The following THSD7B variants were observed in gnomAD, a reference collection of about 807,000 sequenced individuals.
THSD7B encodes thrombospondin type 1 domain containing 7B.
In THSD7B, 138 loss-of-function variants were observed where a neutral mutation model predicts 213.6. That is an observed-to-expected ratio of 0.65 (90% CI 0.56 to 0.74). The LOEUF is 0.74. Ranked by LOEUF, THSD7B falls within the 30% of genes least tolerant of loss-of-function variation. The pLI is 0.00. For missense variants in THSD7B, 1,931 were observed against 1,991.5 expected, an observed-to-expected ratio of 0.97 and a Z score of 0.58; for synonymous variants, 742 against 687.0, an observed-to-expected ratio of 1.08 and a Z score of -1.25.
intron 2 of THSD7B, among the ~76,000 whole-genome samples, chr2:136,979,709 A>G (rs11890722): frequency 0.028 from 4,196 of 152,212 alleles, 195 homozygotes; most frequent in African/African-American, 0.095. Flanking sequence ...GCTTCTTTGC[A>G]TTGGGTTAAA....
chr2:136,962,701 A>C (rs1044558395), intron 2 of THSD7B, among the ~76,000 whole-genome samples: 1 of 152,194 alleles, frequency 6.6e-6, no homozygotes, highest in East Asian at 1.9e-4. Flanking sequence ...TTTAGAAAGA[A>C]GTACACAAAA....
At chr2:136,904,678 G>T (rs1279499280) in intron 2 of THSD7B, among the ~76,000 whole-genome samples, 3 of 152,186 alleles carry the variant, frequency 2.0e-5, no homozygotes, top group African/African-American at 7.2e-5. Flanking sequence ...TTCATCCCAG[G>T]TGAAGAGAAG....
intron 5 of THSD7B, among the ~76,000 whole-genome samples, chr2:137,154,830 C>A (rs990657186): frequency 2.6e-5 from 4 of 152,112 alleles, no homozygotes; most frequent in African/African-American, 9.7e-5. Flanking sequence ...AAATGGTAAA[C>A]TTTGTTCATA....
At chr2:137,485,819 G>A (rs1688427810) in intron 15 of THSD7B, among the ~76,000 whole-genome samples, 1 of 152,190 alleles carries the variant, frequency 6.6e-6, no homozygotes, top group Admixed American at 6.5e-5. Flanking sequence ...CTACAAGCCA[G>A]AAGAGAGTGG....
chr2:137,227,832 A>G (rs1681545112), intron 7 of THSD7B, among the ~76,000 whole-genome samples: 1 of 152,172 alleles, frequency 6.6e-6, no homozygotes, highest in African/African-American at 2.4e-5. Context: ...GCTGTGACAT[A>G]AATATCTAGA....
chr2:136,823,731 G>A (rs1682600729), intron 1 of THSD7B, among the ~76,000 whole-genome samples: 1 of 151,942 alleles, frequency 6.6e-6, no homozygotes, highest in Non-Finnish European at 1.5e-5. Context: ...ATTTTCTTGG[G>A]ATTTAGATTG....
chr2:137,506,608 GA>G (rs757499113), intron 15 of THSD7B, among the ~76,000 whole-genome samples: 158 of 152,338 alleles, frequency 1.0e-3, no homozygotes, highest in Non-Finnish European at 1.7e-3. Flanking sequence ...AGGGAGGTTT[GA>G]AAAAGCCCAC....
chr2:137,058,569 A>G (rs1687210732), intron 3 of THSD7B, among the ~76,000 whole-genome samples: 1 of 152,166 alleles, frequency 6.6e-6, no homozygotes. Flanking sequence ...TATTATTAAC[A>G]TCTTGCATTC....
At chr2:137,326,142 G>C (rs1433177007) in intron 12 of THSD7B, among the ~76,000 whole-genome samples, 1 of 152,156 alleles carries the variant, frequency 6.6e-6, no homozygotes, top group African/African-American at 2.4e-5. Flanking sequence ...AATTATGTTA[G>C]ATCCATCCAA....
chr2:136,924,058 G>A (rs557732123), intron 2 of THSD7B, among the ~76,000 whole-genome samples: 7 of 152,238 alleles, frequency 4.6e-5, no homozygotes, highest in South Asian at 2.1e-4. Context: ...TTCCCCTTAC[G>A]TTTACTTCTA....
chr2:137,525,530 G>A (rs1226114746), intron 15 of THSD7B, among the ~76,000 whole-genome samples: 2 of 152,212 alleles, frequency 1.3e-5, no homozygotes, highest in East Asian at 3.9e-4. Flanking sequence ...CTGCTACTCA[G>A]GAATACATTT....
chr2:137,106,840 G>A (rs186778453), intron 4 of THSD7B, among the ~76,000 whole-genome samples: 1 of 152,320 alleles, frequency 6.6e-6, no homozygotes, highest in Admixed American at 6.5e-5. Flanking sequence ...ACCACAATGA[G>A]ATACCATCTC....
intron 5 of THSD7B, among the ~76,000 whole-genome samples, chr2:137,128,445 A>G (rs1359737313): frequency 6.6e-6 from 1 of 152,208 alleles, no homozygotes; most frequent in Admixed American, 6.5e-5. Context: ...TAAACATATT[A>G]CTTTCTGGGT....
intron 12 of THSD7B, among the ~76,000 whole-genome samples, chr2:137,336,118 T>C (rs1463277): frequency 2.8e-5 from 1 of 35,588 alleles, no homozygotes; most frequent in African/African-American, 4.3e-5. Context: ...CAATTAACAG[T>C]ACTAAAGTGT....
At chr2:137,230,186 G>A (rs1442932850) in intron 7 of THSD7B, among the ~76,000 whole-genome samples, 1 of 152,152 alleles carries the variant, frequency 6.6e-6, no homozygotes, top group African/African-American at 2.4e-5. Context: ...AGCCATTGTA[G>A]TCATTTGAAA....
chr2:137,517,092 C>T (rs1310423763), intron 15 of THSD7B, among the ~76,000 whole-genome samples: 1 of 152,224 alleles, frequency 6.6e-6, no homozygotes, highest in Non-Finnish European at 1.5e-5. Context: ...CGTTATGCAG[C>T]CATTGACTTG....
chr2:137,252,911 C>CTTTTTT (rs754932566), intron 10 of THSD7B, among the ~76,000 whole-genome samples: 92 of 80,622 alleles, frequency 1.1e-3, no homozygotes, highest in East Asian at 3.2e-3. Flanking sequence ...AAAAGGCTTG[C>CTTTTTT]TTTTTTTTTT....
In THSD7B at chr2:137,250,818, C is replaced by T. The variant is rs114533395; in HGVS notation, c.2266+8246C>T. 1.9e-3 allele frequency among the ~76,000 whole-genome samples: 288 copies of T among 152,208 alleles called. 2 individuals are homozygous for T. Among genetic ancestry groups the T allele is most frequent in the African/African-American group, 6.6e-3 (276 of 41,526 alleles). On this transcript the variant is annotated intron_variant, in intron 10 of 27. Transcript: ENST00000409968. ...AGAAGGCAAGAAAAGTCTGATTTCC[C>T]CTCTGCCTGAATGTCTCCCTTCATC...
At chr2:137,168,019 A>G (rs1680170964) in intron 6 of THSD7B, among the ~76,000 whole-genome samples, 1 of 152,228 alleles carries the variant, frequency 6.6e-6, no homozygotes, top group African/African-American at 2.4e-5. Flanking sequence ...TTGGAGAAGT[A>G]ATAAAGTGGC....
Sources: allele counts gnomAD v4.1 joint callset (sites outside exome capture counted in the v4.1 genomes callset), GRCh38; gene constraint gnomAD v4.1.1; transcripts MANE v1.5; gene names NCBI Gene and HGNC (gene_info 2026-07-23, HGNC 2026-07-21).